Variants in SPAG16 observed in about 807,000 individuals in gnomAD.
SPAG16 encodes sperm-associated antigen 16 protein.
A neutral mutation model predicts 80.4 loss-of-function variants in SPAG16; 86 were observed. The observed-to-expected ratio is 1.07, with a 90% CI of 0.90 to 1.28. The LOEUF (loss-of-function observed/expected upper bound fraction) is 1.28. SPAG16 is among the 50% of genes most tolerant of loss of function. The probability of loss-of-function intolerance (pLI) is 0.00; values close to 1 mark genes in which losing one functional copy is unlikely to be tolerated. For missense variants in SPAG16, 870 were observed against 765.3 expected, an observed-to-expected ratio of 1.14 and a Z score of -1.61; for synonymous variants, 294 against 265.9, an observed-to-expected ratio of 1.11 and a Z score of -1.03.
chr2:213,301,688 A>G (rs1051047689), intron 3 of SPAG16, among the ~76,000 whole-genome samples: 1 of 152,074 alleles, frequency 6.6e-6, no homozygotes, highest in African/African-American at 2.4e-5. Flanking sequence ...AGATGTGTCT[A>G]ATGCAAATTT....
chr2:214,004,298 T>C (rs555990197), intron 12 of SPAG16, among the ~76,000 whole-genome samples: 2 of 152,162 alleles, frequency 1.3e-5, no homozygotes, highest in South Asian at 4.2e-4. Context: ...GAGAGAATTG[T>C]AGAATAGGGA....
At chr2:213,376,350 A>G (rs1033749223) in intron 9 of SPAG16, among the ~76,000 whole-genome samples, 18 of 152,028 alleles carry the variant, frequency 1.2e-4, no homozygotes, top group Non-Finnish European at 1.5e-5. Context: ...TTGACTTTTT[A>G]TGGGACAAAA....
intron 10 of SPAG16, among the ~76,000 whole-genome samples, chr2:213,835,664 C>T (rs1258367339): frequency 6.6e-6 from 1 of 152,058 alleles, no homozygotes; most frequent in Non-Finnish European, 1.5e-5. Context: ...GATTTATGCT[C>T]TAAAATTTTA....
chr2:213,293,215 G>T (rs956159733), intron 1 of SPAG16, among the ~76,000 whole-genome samples: 9 of 152,142 alleles, frequency 5.9e-5, no homozygotes, highest in Non-Finnish European at 1.0e-4. Flanking sequence ...CGCCATGATT[G>T]TAAGTTTCCT....
At chr2:214,330,002 C>T (rs1696791727) in intron 15 of SPAG16, among the ~76,000 whole-genome samples, 2 of 151,624 alleles carry the variant, frequency 1.3e-5, no homozygotes, top group South Asian at 2.1e-4. Flanking sequence ...TGCGGTGGCT[C>T]ATGCTTGTAA....
chr2:213,829,170 A>G (rs1041084562), intron 10 of SPAG16, among the ~76,000 whole-genome samples: 1 of 152,182 alleles, frequency 6.6e-6, no homozygotes, highest in Non-Finnish European at 1.5e-5. Flanking sequence ...TCTGGGAGCC[A>G]GGGCCTAGAG....
chr2:213,422,431 A>G (rs1310785157), intron 9 of SPAG16: 2 of 621,818 alleles, frequency 3.2e-6, no homozygotes, highest in Non-Finnish European at 5.8e-6. Context: ...CCTGGTTCTC[A>G]CTTGCTCACA....
intron 2 of SPAG16, chr2:213,297,061 G>A (rs1041567085): frequency 6.6e-5 from 93 of 1,407,240 alleles, no homozygotes; most frequent in Non-Finnish European, 8.4e-5. Flanking sequence ...GAATTTATTA[G>A]AAGTGACGTT....
Position 213,917,887 on chromosome 2 carries a change from T to C in SPAG16, c.1215-12073T>C, listed in dbSNP as rs534297468. Among the ~76,000 whole-genome samples, 66 of 152,314 alleles carry C rather than the reference T, an allele frequency of 4.3e-4. 2 individuals carry two copies. Among genetic ancestry groups the C allele is most frequent in the Admixed American group, 4.1e-3 (63 of 15,296 alleles). On this transcript the variant is annotated intron_variant, in intron 11 of 15. Transcript: ENST00000331683. ...GGGAAGACTTCCAGCTTTTGCCCAT[T>C]CAGTATGATGTTGGTTGTGGGTTTG...
chr2:214,400,892 T>C (rs560057345), intron 15 of SPAG16, among the ~76,000 whole-genome samples: 1 of 152,188 alleles, frequency 6.6e-6, no homozygotes, highest in South Asian at 2.1e-4. Context: ...TTAAAATGCA[T>C]TTGTTTTATA....
At chr2:213,914,665 G>A (rs961878251) in intron 11 of SPAG16, among the ~76,000 whole-genome samples, 1 of 152,018 alleles carries the variant, frequency 6.6e-6, no homozygotes, top group Non-Finnish European at 1.5e-5. Flanking sequence ...CTTCTCTTAT[G>A]TATGTTATTT....
chr2:213,789,806 T>G (rs1002170935), intron 10 of SPAG16, among the ~76,000 whole-genome samples: 5 of 151,974 alleles, frequency 3.3e-5, no homozygotes, highest in Non-Finnish European at 7.4e-5. Context: ...AAACCCAAAA[T>G]ATACTCACCT....
At chr2:213,779,003 G>A (rs1405592883) in intron 10 of SPAG16, among the ~76,000 whole-genome samples, 1 of 152,006 alleles carries the variant, frequency 6.6e-6, no homozygotes, top group Non-Finnish European at 1.5e-5. Context: ...TTCTTCAAAA[G>A]TAAAGTTAAA....
intron 15 of SPAG16, among the ~76,000 whole-genome samples, chr2:214,219,390 CTT>C (rs761959405): frequency 2.7e-5 from 4 of 149,102 alleles, no homozygotes; most frequent in Admixed American, 6.6e-5. Context: ...TATTTGATAA[CTT>C]ATCAAATAGA....
intron 10 of SPAG16, among the ~76,000 whole-genome samples, chr2:213,813,671 A>T (rs2072324825): frequency 6.6e-6 from 1 of 152,200 alleles, no homozygotes; most frequent in African/African-American, 2.4e-5. Context: ...CTGTGCTGAT[A>T]CAGAAGCAGA....
At chr2:214,315,622 G>A (rs1343455989) in intron 15 of SPAG16, among the ~76,000 whole-genome samples, 1 of 151,962 alleles carries the variant, frequency 6.6e-6, no homozygotes, top group Non-Finnish European at 1.5e-5. Context: ...ACCTTGAACT[G>A]CCAGGCTCAG....
chr2:213,486,725 A>T (rs2073993956), intron 9 of SPAG16, among the ~76,000 whole-genome samples: 1 of 152,098 alleles, frequency 6.6e-6, no homozygotes, highest in African/African-American at 2.4e-5. Flanking sequence ...ATTATGTCAA[A>T]ATCAAGTCTG....
chr2:213,612,686 T>G (rs1213178183), intron 10 of SPAG16, among the ~76,000 whole-genome samples: 2 of 152,156 alleles, frequency 1.3e-5, no homozygotes, highest in African/African-American at 4.8e-5. Flanking sequence ...AAAATTAAAA[T>G]AATTTTTTTT....
intron 10 of SPAG16, among the ~76,000 whole-genome samples, chr2:213,699,319 G>T (rs546334854): frequency 6.6e-6 from 1 of 152,018 alleles, no homozygotes; most frequent in Admixed American, 6.5e-5. Context: ...ACCACTCTTT[G>T]CAGACTTCTT....
Sources: gnomAD v4.1 joint callset for allele counts (sites outside exome capture counted in the v4.1 genomes callset) on GRCh38, gnomAD v4.1.1 for gene constraint, MANE v1.5 for transcripts, NCBI Gene and HGNC (gene_info 2026-07-23, HGNC 2026-07-21) for gene names.